OVGP1: variants seen among roughly 807,000 people sequenced by gnomAD.
OVGP1 encodes oviduct-specific glycoprotein.
Under a neutral mutation model 48.2 loss-of-function variants are expected in OVGP1, and 26 were observed. That is an observed-to-expected ratio of 0.54 (90% CI 0.40 to 0.75). The LOEUF (loss-of-function observed/expected upper bound fraction) is 0.75, where lower values mean the gene tolerates loss of function less well. Ranked by LOEUF, OVGP1 falls within the 30% of genes least tolerant of loss-of-function variation. OVGP1 has a pLI of 0.00. For synonymous variants in OVGP1, 294 were observed against 305.7 expected, an observed-to-expected ratio of 0.96 and a Z score of 0.40; for missense variants, 791 against 820.6, an observed-to-expected ratio of 0.96 and a Z score of 0.44.
At chr1:111,417,564 T>A (rs1159594600) in intron 9 of OVGP1, among the ~76,000 whole-genome samples, 1 of 152,138 alleles carries the variant, frequency 6.6e-6, no homozygotes, top group Non-Finnish European at 1.5e-5. Context: ...ACTGTGAAGT[T>A]TCTGAGACTT....
intron 3 of OVGP1, among the ~76,000 whole-genome samples, chr1:111,425,939 C>T (rs1278709584): frequency 2.0e-5 from 3 of 152,018 alleles, no homozygotes; most frequent in African/African-American, 7.3e-5. Flanking sequence ...CAGAGAGATC[C>T]CAGGAGTTCC....
At chr1:111,425,696 G>A (rs116117491) in intron 3 of OVGP1, among the ~76,000 whole-genome samples, 3 of 152,268 alleles carry the variant, frequency 2.0e-5, no homozygotes, top group South Asian at 4.2e-4. Context: ...CCAAACTCGC[G>A]CATGTCCCTA....
rs746571392 is a variant in OVGP1 at position 111,422,980 on chromosome 1, A to AACAGCAGCAG, written c.545_554dup (p.Ser186CysfsTer15). ...TTTGGACGATGTGTGGGACCCCAGA[A>AACAGCAGCAG]ACAGCAGCAGACAGCAGCAGCCTCG... On this transcript the variant is annotated frameshift_variant, in exon 6 of 11. Coordinates refer to ENST00000369732, the MANE Select transcript of OVGP1 (RefSeq NM_002557.4). LOFTEE classifies it high-confidence loss of function. 1.2e-6 allele frequency: 2 copies of AACAGCAGCAG among 1,614,184 alleles called. No individual in the cohort carries two copies. Among genetic ancestry groups the AACAGCAGCAG allele is most frequent in the Non-Finnish European group, 1.7e-6 (2 of 1,180,024 alleles).
intron 4 of OVGP1, 82 bp from the exon 5 acceptor site, chr1:111,423,790 CCTGTGGT>C (rs1652332076): frequency 7.2e-7 from 1 of 1,383,778 alleles, no homozygotes; most frequent in Admixed American, 2.0e-5. Flanking sequence ...AGCTTGGTTC[CCTGTGGT>C]GGGCCTGGCA....
At position 111,425,573 on chromosome 1, in the gene OVGP1, G is replaced by A. The variant is rs1415611828; in HGVS notation, c.261-134C>T. On this transcript the variant is annotated intron_variant, in intron 3 of 10. Transcript: ENST00000369732. ...TGGGAGGTAAGGAAAGGAAAAGGGGGAAGGTGATAGAAGGAGAGAGATGAT... is the reference window on the plus strand; with the variant it reads ...TGGGAGGTAAGGAAAGGAAAAGGGGAAAGGTGATAGAAGGAGAGAGATGAT... 8 of 1,462,778 alleles carry A rather than the reference G, an allele frequency of 5.5e-6. No individual in the cohort carries two copies. The African/African-American group carries it at 1.1e-4, about 21-fold the overall frequency. 90.6% of individuals were successfully genotyped at this position (1,462,778 alleles called of 1,614,324 possible).
chr1:111,416,374 T>A lies in OVGP1; in HGVS notation c.1105A>T (p.Thr369Ser). 6.2e-7 allele frequency: 1 copy of A among 1,608,726 alleles called. No individual in the cohort carries two copies. Among genetic ancestry groups the A allele is most frequent in the South Asian group, 1.1e-5 (1 of 89,308 alleles). Residue 369 changes from threonine to serine, a missense_variant, in exon 10 of 11, where the codon ACT (threonine) becomes TCT (serine). Thr to Ser is a moderately conservative substitution (Grantham distance 58). Transcript: ENST00000369732. ...ACGTAGACAAGGGGGAAAGGGCCAGTGCCACAGAACGTGCCCCTGACGTCA... is the reference window on the plus strand; with the variant it reads ...ACGTAGACAAGGGGGAAAGGGCCAGAGCCACAGAACGTGCCCCTGACGTCA... ...MDDVRGTFCG[T>S]GPFPLVYVLN... is the part of the protein sequence containing the mutation.
In OVGP1 at chr1:111,414,941, C is replaced by CT. The variant is rs150261549; in HGVS notation, c.1559_1560insA (p.Glu521GlyfsTer35). On this transcript the variant is annotated frameshift_variant, in exon 11 of 11. Coordinates refer to ENST00000369732, the MANE Select transcript of OVGP1 (RefSeq NM_002557.4). LOFTEE classifies it low-confidence loss of function (END_TRUNC). ...GACCCACAGGGGTCAGGGTCTTTTC[C>CT]CCAGGGGTCACAGACTGATAACCCA... 9 of 803,092 alleles carry CT rather than the reference C, an allele frequency of 1.1e-5. No individual in the cohort carries two copies. The highest frequency in any genetic ancestry group is 1.5e-5 in the Non-Finnish European group (8 of 548,670). 49.7% of individuals were successfully genotyped at this position (803,092 alleles called of 1,614,324 possible). A position where few individuals can be genotyped will look rare whatever the true frequency, so the allele number is the denominator to read the frequency against.
chr1:111,416,254 G>A, intron 10 of OVGP1, 69 bp downstream of exon 10: 1 of 1,407,340 alleles, frequency 7.1e-7, no homozygotes, highest in Admixed American at 2.4e-5. Context: ...TTTAGATCTA[G>A]CAGAAGGGCC....
intron 8 of OVGP1, 63 bp from the exon 9 acceptor site, chr1:111,419,789 T>A (rs148737350): frequency 0.017 from 16,368 of 955,386 alleles, 206 homozygotes; most frequent in Non-Finnish European, 0.021. Flanking sequence ...CAAGAGACAG[T>A]TGTTCCTTGC....
At chr1:111,425,503 A>G (rs1652378058) in intron 3 of OVGP1, 64 bp from the exon 4 acceptor site, 1 of 1,608,020 alleles carries the variant, frequency 6.2e-7, no homozygotes, top group Non-Finnish European at 8.5e-7. Flanking sequence ...CTGCTGCCAC[A>G]TTCTTTTATT....
At chr1:111,425,266 G>T in intron 4 of OVGP1, 117 bp downstream of exon 4, 1 of 1,123,802 alleles carries the variant, frequency 8.9e-7, no homozygotes, top group Non-Finnish European at 1.3e-6. Flanking sequence ...ATGAGTTGGG[G>T]AAGTATTTGC....
rs1465980516 is a variant in OVGP1, at chr1:111,426,635, G to A, written c.62C>T (p.Ala21Val). 2 of 1,613,572 alleles carry A rather than the reference G, an allele frequency of 1.2e-6. No individual in the cohort carries two copies. The highest frequency in any genetic ancestry group is 2.7e-5 in the African/African-American group (2 of 74,890). The change falls in exon 3 of 11, where the codon GCC (alanine) becomes GTC (valine). Residue 21 changes from alanine (A) to valine (V), a missense_variant. Physicochemically the swap from Ala to Val is moderately conservative, Grantham distance 64. Coordinates refer to ENST00000369732, the MANE Select transcript of OVGP1 (RefSeq NM_002557.4). ...VLVLKHHDGA[A>V]HKLVCYFTNW... ...GGTGAAATAACACACGAGTTTATGG[G>A]CAGCACCTGGTAAGGGAGAGCACAC...
chr1:111,414,867 G>C lies in OVGP1; in HGVS notation c.1634C>G (p.Thr545Arg). ...CTGAAAATGGACAGGGGTCATAGTCGTTCCTCCAGGGCTCACAGACTGATG... is the reference window on the plus strand; with the variant it reads ...CTGAAAATGGACAGGGGTCATAGTCCTTCCTCCAGGGCTCACAGACTGATG... ...VSHQSVSPGG[T>R]TMTPVHFQTE... Residue 545 changes from threonine (T) to arginine (R), a missense_variant, in exon 11 of 11, where the codon ACG (threonine) becomes AGG (arginine). By Grantham distance (71) the Thr-to-Arg change is moderately conservative (BLOSUM62 -1). Transcript: ENST00000369732. 6.3e-7 allele frequency: 1 copy of C among 1,594,562 alleles called. No homozygotes were observed. Among genetic ancestry groups the C allele is most frequent in the Non-Finnish European group, 8.6e-7 (1 of 1,167,362 alleles).
chr1:111,415,303 C>A lies in OVGP1; in HGVS notation c.1198G>T (p.Ala400Ser). 6.2e-7 allele frequency: 1 copy of A among 1,612,784 alleles called. No homozygotes were observed. The highest frequency in any genetic ancestry group is 8.5e-7 in the Non-Finnish European group (1 of 1,179,032). Residue 400 changes from alanine (A) to serine (S), a missense_variant, in exon 11 of 11, where the codon GCT becomes TCT. Ala to Ser is a moderately conservative substitution (Grantham distance 99). Transcript: ENST00000369732. ...GGGTCAGTGCTTGAAGAATTCACAG[C>A]AGATGACAGCCAAAATTGTGGTAAA... ...TSLPQFWLSS[A>S]VNSSSTDPER... is the part of the protein sequence containing the mutation.
At position 111,414,913 on chromosome 1, in the gene OVGP1, G is replaced by A; in HGVS notation, c.1588C>T (p.Gln530Ter). ...GEKTLTPVGHQSVTPVSHQSV... is the reference protein window; with the variant it reads ...GEKTLTPVGH ...TGATGACTCACAGGGGTCACAGACT[G>A]ATGACCCACAGGGGTCAGGGTCTTT... The change falls in exon 11 of 11, where the codon CAG becomes TAG. Residue 530 changes from glutamine to a stop codon, truncating the protein, a stop_gained. Coordinates refer to ENST00000369732, the MANE Select transcript of OVGP1 (RefSeq NM_002557.4). LOFTEE classifies it low-confidence loss of function (END_TRUNC). 1 of 1,477,578 alleles carries A rather than the reference G, an allele frequency of 6.8e-7. No homozygotes were observed. Among genetic ancestry groups the A allele is most frequent in the Non-Finnish European group, 9.1e-7 (1 of 1,104,802 alleles). The allele number at this position is 1,477,578 out of a possible 1,614,324, so 91.5% of individuals were successfully genotyped here.
At chr1:111,418,593 T>C (rs1022886916) in intron 9 of OVGP1, among the ~76,000 whole-genome samples, 2 of 150,316 alleles carry the variant, frequency 1.3e-5, no homozygotes, top group African/African-American at 2.4e-5. Context: ...GAATTCTCTC[T>C]ATTTAAGTCT....
At chr1:111,423,504 A>T in intron 5 of OVGP1, 39 bp downstream of exon 5, 1 of 1,603,594 alleles carries the variant, frequency 6.2e-7, no homozygotes, top group South Asian at 1.1e-5. Context: ...ATAAAAGTAG[A>T]ATCATTTCTG....
chr1:111,415,395 C>T, intron 10 of OVGP1, 51 bp from the exon 11 acceptor site: 2 of 1,519,824 alleles, frequency 1.3e-6, no homozygotes, highest in Non-Finnish European at 1.8e-6. Context: ...TCATTCTCAT[C>T]CTATTAATTA....
rs1652067247 is a variant in OVGP1, at chr1:111,414,434, G to A, written c.*30C>T. On this transcript the variant is annotated 3_prime_UTR_variant, in exon 11 of 11. Transcript: ENST00000369732. The stretch of plus-strand genomic sequence containing the variant: ...ATGTCACTTAGAAGAAAAGACAAGG[G>A]TTTTCCCTGGTTTCTGACACCAGAG... The A allele has an allele frequency of 1.3e-6, 2 of 1,568,570 alleles. No homozygotes were observed. The highest frequency in any genetic ancestry group is 8.6e-7 in the Non-Finnish European group (1 of 1,157,042).
Sources: gnomAD v4.1 joint callset for allele counts (sites outside exome capture counted in the v4.1 genomes callset) on GRCh38, gnomAD v4.1.1 for gene constraint, MANE v1.5 for transcripts, NCBI Gene and HGNC (gene_info 2026-07-23, HGNC 2026-07-21) for gene names.